The following TTN variants were observed in gnomAD, a reference collection of about 807,000 sequenced individuals.
TTN encodes the protein connectin.
In TTN, 1,525 loss-of-function variants were observed where a neutral mutation model predicts 3,223.0. The observed-to-expected ratio is 0.47, with a 90% CI of 0.45 to 0.49. The LOEUF (loss-of-function observed/expected upper bound fraction) is 0.49, where lower values mean the gene tolerates loss of function less well. TTN is among the 20% of genes least tolerant of loss of function. The pLI is 0.00. For missense variants in TTN, 40,786 were observed against 43,424.0 expected (o/e 0.94, Z 5.40); for synonymous variants, 14,094 against 15,161.0 (o/e 0.93, Z 5.17).
chr2:178,617,593 T>TAAA, intron 253 of TTN, 81 bp from the exon 254 acceptor site: 2 of 1,437,522 alleles, frequency 1.4e-6, no homozygotes, highest in Admixed American at 5.3e-5. Flanking sequence ...AATTATATCA[T>TAAA]CCTCATTAAC....
In TTN at chr2:178,573,229, AT is replaced by A; in HGVS notation, c.72902del (p.Asn24301MetfsTer102). 1 of 1,606,668 alleles carries A rather than the reference AT, an allele frequency of 6.2e-7. No homozygotes were observed. Among genetic ancestry groups the A allele is most frequent in the Non-Finnish European group, 8.5e-7 (1 of 1,175,404 alleles). On this transcript the variant is annotated frameshift_variant, in exon 326 of 363. Transcript: ENST00000589042. LOFTEE classifies it high-confidence loss of function. Reference sequence around the variant, plus strand: ...GACTTGGTGCACTAATTCCAGCAGCATTTTCAGCCATAATCCTGAACTCATA... The same window carrying A: ...GACTTGGTGCACTAATTCCAGCAGCATTTCAGCCATAATCCTGAACTCATA... Reference protein sequence around the residue: ...HEYEFRIMAENAAGISAPSPT... With the variant: ...HEYEFRIMAEXAAGISAPSPT...
Position 178,572,953 on chromosome 2 carries a change from C to T in TTN, c.73179G>A (p.Gln24393=), listed in dbSNP as rs1575768403. The change falls in exon 326 of 363, where the codon CAG becomes CAA. Residue 24393 remains glutamine, a synonymous_variant. Transcript: ENST00000589042. ...TGGCATAGATGCGGATCTTATATTC[C>T]TGATTCTCTGTGAGGCCAGTGATAG... ...SYTITGLTEN[Q]EYKIRIYAMN... The T allele has an allele frequency of 6.2e-7, 1 of 1,613,202 alleles. No individual in the cohort carries two copies. The highest frequency in any genetic ancestry group is 8.5e-7 in the Non-Finnish European group (1 of 1,179,550).
At position 178,672,689 on chromosome 2, in the gene TTN, G is replaced by A. The variant is rs1013759400; in HGVS notation, c.34801C>T (p.Pro11601Ser). Residue 11601 changes from proline (P) to serine (S), a missense_variant, in exon 153 of 363, where the codon CCT becomes TCT. Coordinates refer to ENST00000589042, the MANE Select transcript of TTN (RefSeq NM_001267550.2). Reference sequence around the variant, plus strand: ...ACAGGAACAGGTACTTTTTCCTCAGGAATTTTCTTTGACACTTTAAAGATA... The same window carrying A: ...ACAGGAACAGGTACTTTTTCCTCAGAAATTTTCTTTGACACTTTAAAGATA... ...APPAKVSKKI[P>S]EEKVPVPVQK... 6.2e-7 allele frequency: 1 copy of A among 1,605,894 alleles called. No individual in the cohort carries two copies. Among genetic ancestry groups the A allele is most frequent in the Non-Finnish European group, 8.5e-7 (1 of 1,175,550 alleles).
At position 178,734,437 on chromosome 2, in the gene TTN, A is replaced by G; in HGVS notation, c.15387T>C (p.Leu5129=). The G allele has an allele frequency of 6.2e-7, 1 of 1,613,816 alleles. No individual in the cohort carries two copies. Residue 5129 remains leucine (L), a synonymous_variant, in exon 52 of 363, where the codon CTT becomes CTC. Coordinates refer to ENST00000589042, the MANE Select transcript of TTN (RefSeq NM_001267550.2). ...TAAACGAAAAGATCTCCAGACACACAAGAGACTTCTGAGAAAACAATCTGT... is the reference window on the plus strand; with the variant it reads ...TAAACGAAAAGATCTCCAGACACACGAGAGACTTCTGAGAAAACAATCTGT... ...KKYRLFSQKS[L]VCLEIFSFNS...
At position 178,639,683 on chromosome 2, in the gene TTN, G is replaced by C. The variant is rs892087843; in HGVS notation, c.40876+16C>G. 1 of 1,610,402 alleles carries C rather than the reference G, an allele frequency of 6.2e-7. No homozygotes were observed. The highest frequency in any genetic ancestry group is 1.3e-5 in the African/African-American group (1 of 74,746). On this transcript the variant is annotated intron_variant, in intron 223 of 362. Transcript: ENST00000589042. ...ACCAAAACAAACTAGCAAAAAGAAAGCTACAGGATAAATACCTGCTTTCTT... is the reference window on the plus strand; with the variant it reads ...ACCAAAACAAACTAGCAAAAAGAAACCTACAGGATAAATACCTGCTTTCTT...
Position 178,592,876 on chromosome 2 carries a change from C to T in TTN, c.59243G>A (p.Arg19748Gln), listed in dbSNP as rs142791877. 1.9e-5 allele frequency: 31 copies of T among 1,613,394 alleles called. No individual in the cohort carries two copies. Among genetic ancestry groups the T allele is most frequent in the East Asian group, 4.5e-5 (2 of 44,780 alleles). ...TCTAAACTTATAGGTTTGACCGTCC[C>T]GAAGACCGGTGACTTTATATTTAGT... ...PETKYKVTGL[R>Q]DGQTYKFRVL... The change falls in exon 300 of 363, where the codon CGG becomes CAG. Residue 19748 changes from arginine to glutamine, a missense_variant. Transcript: ENST00000589042.
intron 6 of TTN, among the ~76,000 whole-genome samples, chr2:178,795,952 G>T (rs1457608532): frequency 6.6e-6 from 1 of 152,098 alleles, no homozygotes; most frequent in Non-Finnish European, 1.5e-5. Flanking sequence ...TTGCACTCTG[G>T]ACTTATTTTA....
At position 178,751,356 on chromosome 2, in the gene TTN, C is replaced by G. The variant is rs2154330929; in HGVS notation, c.11311+1768G>C. ...CCTACATTAAGCCAACCTCTTATGT[C>G]AGATTTACTTTCTAAATATTCTTCA... is the stretch of plus-strand genomic sequence containing the variant. On this transcript the variant is annotated intron_variant, in intron 47 of 362. Transcript: ENST00000589042. 3.1e-6 allele frequency: 5 copies of G among 1,606,316 alleles called. No individual in the cohort carries two copies. The East Asian group carries it at 1.1e-4, about 36-fold the overall frequency.
rs1391492892 is a variant in TTN at position 178,576,469 on chromosome 2, T to A, written c.69716-53A>T. On this transcript the variant is annotated intron_variant, in intron 325 of 362. Transcript: ENST00000589042. The surrounding 1 kb of genome is among the most constrained non-coding windows in gnomAD (Gnocchi z 4.3). ...ATATATTCAGAGTTTGGCTTTTGGG[T>A]AATTTAGATAAAATATTGGCACTCT... 4 of 1,591,178 alleles carry A rather than the reference T, an allele frequency of 2.5e-6. No homozygotes were observed. The highest frequency in any genetic ancestry group is 1.4e-5 in the African/African-American group (1 of 73,038).
At position 178,572,322 on chromosome 2, in the gene TTN, G is replaced by A; in HGVS notation, c.73810C>T (p.Pro24604Ser). The A allele has an allele frequency of 1.2e-6, 2 of 1,610,762 alleles. No individual in the cohort carries two copies. Among genetic ancestry groups the A allele is most frequent in the Non-Finnish European group, 1.7e-6 (2 of 1,177,332 alleles). Residue 24604 changes from proline (P) to serine (S), a missense_variant, in exon 326 of 363, where the codon CCT becomes TCT. By Grantham distance (74) the Pro-to-Ser change is moderately conservative (BLOSUM62 -1). Coordinates refer to ENST00000589042, the MANE Select transcript of TTN (RefSeq NM_001267550.2). The stretch of plus-strand genomic sequence containing the variant: ...TTCACAGATTCTGCGGTTTCAGCAG[G>A]CAGCCCAATGCCATATTCATTTTCT... ...LAENEYGIGLPAETAESVKAS... is the reference protein window; with the variant it reads ...LAENEYGIGLSAETAESVKAS...
At chr2:178,705,136 G>A (rs2075645698) in intron 103 of TTN, 38 bp downstream of exon 103, 1 of 1,599,240 alleles carries the variant, frequency 6.3e-7, no homozygotes, top group Non-Finnish European at 8.5e-7. Flanking sequence ...TTTTAAATGT[G>A]ACTTTTTTAG....
In TTN at chr2:178,539,657, A is replaced by G; in HGVS notation, c.98408T>C (p.Leu32803Pro). The change falls in exon 352 of 363, where the codon CTG becomes CCG. Residue 32803 changes from leucine (L) to proline (P), a missense_variant. Coordinates refer to ENST00000589042, the MANE Select transcript of TTN (RefSeq NM_001267550.2). ...IGSPNSPEGP[L>P]EYDDIQVRSV... is the part of the protein sequence containing the mutation. ...GCGGACTTGGATGTCATCATATTCC[A>G]GTGGCCCTTCTGGACTGTTGGGACT... 6.2e-7 allele frequency: 1 copy of G among 1,613,738 alleles called. No individual in the cohort carries two copies. The highest frequency in any genetic ancestry group is 8.5e-7 in the Non-Finnish European group (1 of 1,179,806).
intron 240 of TTN, 96 bp downstream of exon 240, chr2:178,629,205 G>T: frequency 6.9e-7 from 1 of 1,447,770 alleles, no homozygotes; most frequent in Non-Finnish European, 9.2e-7. Flanking sequence ...GACAGAGGAA[G>T]AGACATTAGA....
At position 178,574,914 on chromosome 2, in the gene TTN, A is replaced by G. The variant is rs779202830; in HGVS notation, c.71218T>C (p.Ser23740Pro). Residue 23740 changes from serine to proline, a missense_variant, in exon 326 of 363, where the codon TCA becomes CCA. Transcript: ENST00000589042. ...CAAGAGAAGGTTACAAAATCAGATG[A>G]AACTTCATCAAATTTGATTGGTCCA... The part of the protein sequence containing the change: ...PTGPIKFDEV[S>P]SDFVTFSWDP... 6.2e-7 allele frequency: 1 copy of G among 1,612,880 alleles called. No homozygotes were observed. Among genetic ancestry groups the G allele is most frequent in the Admixed American group, 1.7e-5 (1 of 59,946 alleles).
At position 178,652,101 on chromosome 2, in the gene TTN, G is replaced by A; in HGVS notation, c.39290C>T (p.Pro13097Leu). 2 of 1,613,200 alleles carry A rather than the reference G, an allele frequency of 1.2e-6. No individual in the cohort carries two copies. Among genetic ancestry groups the A allele is most frequent in the South Asian group, 1.1e-5 (1 of 91,050 alleles). Residue 13097 changes from proline to leucine, a missense_variant, in exon 204 of 363, where the codon CCT becomes CTT. Physicochemically the swap from Pro to Leu is moderately conservative, Grantham distance 98. Coordinates refer to ENST00000589042, the MANE Select transcript of TTN (RefSeq NM_001267550.2). ...TTGAATAGTTTCATTATTACCTTCA[G>A]GGGGAGGACTTTCCGGTTTGGGAGG... Reference protein sequence around the residue: ...AIPPKPESPPPEVFEEPEEVA... With the variant: ...AIPPKPESPPLEVFEEPEEVA...
chr2:178,582,448 C>T lies in TTN; in HGVS notation c.66008G>A (p.Trp22003Ter), dbSNP rs1229556495. 1 of 1,612,948 alleles carries T rather than the reference C, an allele frequency of 6.2e-7. No homozygotes were observed. The highest frequency in any genetic ancestry group is 1.1e-5 in the South Asian group (1 of 91,038). The change falls in exon 314 of 363, where the codon TGG becomes TAG. Residue 22003 changes from tryptophan (W) to a stop codon, truncating the protein, a stop_gained. Transcript: ENST00000589042. LOFTEE classifies it high-confidence loss of function. The part of the protein sequence containing the change: ...VDKRETSRPN[W>*]AQVSATVPIT... ...AGGCACAGTTGCAGAGACTTGAGCC[C>T]AGTTGGGCCTGCTTGTTTCACGTTT...
intron 47 of TTN, chr2:178,749,939 G>A: frequency 6.2e-7 from 1 of 1,613,206 alleles, no homozygotes; most frequent in South Asian, 1.1e-5. Flanking sequence ...TGGTTCATTA[G>A]TAATATCAGA....
rs772235481 is a variant in TTN at position 178,732,888 on chromosome 2, G to A, written c.16288C>T (p.Arg5430Ter). The A allele has an allele frequency of 4.4e-6, 7 of 1,604,606 alleles. No homozygotes were observed. Among genetic ancestry groups the A allele is most frequent in the Non-Finnish European group, 5.9e-6 (7 of 1,176,608 alleles). The part of the protein sequence containing the change: ...DMNDAGNFTC[R>*]ATNSVGSKDS... ...TTGCTTCCCACGGAATTTGTGGCTC[G>A]ACAAGTGAAATTCCCTGCATCATTC... Residue 5430 changes from arginine to a stop codon, truncating the protein, a stop_gained, in exon 55 of 363, where the codon CGA becomes TGA. Coordinates refer to ENST00000589042, the MANE Select transcript of TTN (RefSeq NM_001267550.2). LOFTEE classifies it high-confidence loss of function.
chr2:178,701,430 C>T, intron 110 of TTN, 98 bp downstream of exon 110: 2 of 1,297,644 alleles, frequency 1.5e-6, no homozygotes, highest in Non-Finnish European at 2.1e-6. Flanking sequence ...TTTGTTCTGA[C>T]TCTGCTGCAG....
Sources: gnomAD v4.1 joint callset for allele counts (sites outside exome capture counted in the v4.1 genomes callset) on GRCh38, gnomAD v4.1.1 for gene constraint, Gnocchi (gnomAD v3.1) non-coding constraint, MANE v1.5 for transcripts, NCBI Gene and HGNC (gene_info 2026-07-23, HGNC 2026-07-21) for gene names.